Variants in MITD1 observed in about 807,000 individuals in gnomAD.
MITD1 encodes MIT domain-containing protein 1.
In MITD1, 24 loss-of-function variants were observed where a neutral mutation model predicts 34.9. The ratio of observed to expected loss-of-function variants is 0.69; its 90% confidence interval spans 0.50 to 0.97. The LOEUF (loss-of-function observed/expected upper bound fraction) is 0.97. Among genes scored for constraint, MITD1 ranks in the 50% least tolerant of loss-of-function variants. The pLI, the probability that MITD1 is intolerant of heterozygous loss-of-function variation, is 0.00. For missense variants in MITD1, 266 were observed against 294.6 expected, an observed-to-expected ratio of 0.90 and a Z score of 0.71; for synonymous variants, 102 against 101.4, an observed-to-expected ratio of 1.01 and a Z score of -0.04.
intron 1 of MITD1, among the ~76,000 whole-genome samples, chr2:99,178,528 CAT>C (rs2093899207): frequency 6.6e-6 from 1 of 152,092 alleles, no homozygotes; most frequent in South Asian, 2.1e-4. Context: ...ATTGGCAAAA[CAT>C]GTATATTAGA....
intron 1 of MITD1, among the ~76,000 whole-genome samples, chr2:99,174,900 A>G (rs2093878634): frequency 6.6e-6 from 1 of 152,046 alleles, no homozygotes; most frequent in Admixed American, 6.6e-5. Flanking sequence ...CCATTTTTGT[A>G]TTTTTAGTAG....
At chr2:99,162,394 T>G in intron 7 of MITD1, 1 of 1,614,056 alleles carries the variant, frequency 6.2e-7, no homozygotes, top group East Asian at 2.2e-5. Context: ...CAGCTGGATG[T>G]GCAGGCTACC....
At chr2:99,172,160 G>C (rs1350739249) in intron 2 of MITD1, 1 of 152,726 alleles carries the variant, frequency 6.5e-6, no homozygotes, top group Non-Finnish European at 1.5e-5. Context: ...GGCCAAGGTA[G>C]GTAGATCATT....
chr2:99,163,124 G>T, intron 7 of MITD1: 1 of 1,281,306 alleles, frequency 7.8e-7, no homozygotes. Flanking sequence ...AAAATAAAAT[G>T]TCTCATACTT....
At chr2:99,179,812 C>G (rs901275578) in intron 1 of MITD1, among the ~76,000 whole-genome samples, 1 of 152,140 alleles carries the variant, frequency 6.6e-6, no homozygotes, top group African/African-American at 2.4e-5. Flanking sequence ...CCACCTGCCT[C>G]GGCCTCCCAA....
downstream of MITD1, among the ~76,000 whole-genome samples, chr2:99,164,438 G>A (rs2093816940): frequency 6.6e-6 from 1 of 152,150 alleles, no homozygotes; most frequent in Admixed American, 6.5e-5. Flanking sequence ...TGTTGCCTCA[G>A]GTTCTGGAGT....
At chr2:99,166,132 T>C (rs1417786062), downstream of MITD1, among the ~76,000 whole-genome samples, 1 of 152,104 alleles carries the variant, frequency 6.6e-6, no homozygotes, top group Non-Finnish European at 1.5e-5. Context: ...GAGCAGTTTT[T>C]GTTGTTTTTT....
Position 99,176,355 on chromosome 2 carries a change from C to T in MITD1, c.152-2339G>A, listed in dbSNP as rs976484510. ...ATAAACTTTTTTTTTTTTTTTGAGA[C>T]GGAGTCTCGCTGTGTTGCCCAGGCT... On this transcript the variant is annotated intron_variant, in intron 1 of 6. Transcript: ENST00000289359. Among the ~76,000 whole-genome samples the T allele has an allele frequency of 1.1e-4, 16 of 144,910 alleles. 1 individual carries two copies. The highest frequency in any genetic ancestry group is 4.2e-4 in the Admixed American group (6 of 14,274).
chr2:99,171,120 A>T (rs1274138551), intron 4 of MITD1, among the ~76,000 whole-genome samples: 2 of 152,202 alleles, frequency 1.3e-5, no homozygotes, highest in Non-Finnish European at 2.9e-5. Context: ...CTAAACTAAC[A>T]AACTATTTGA....
chr2:99,167,184 T>C (rs2093831232), downstream of MITD1, among the ~76,000 whole-genome samples: 1 of 152,152 alleles, frequency 6.6e-6, no homozygotes, highest in African/African-American at 2.4e-5. Context: ...AAAATTATTG[T>C]AGCTATGTCT....
At chr2:99,171,481 T>TCATA in intron 3 of MITD1, 29 bp downstream of exon 3, 1 of 1,586,928 alleles carries the variant, frequency 6.3e-7, no homozygotes, top group Non-Finnish European at 8.7e-7. Flanking sequence ...GAATATGATA[T>TCATA]TTCATTATAT....
chr2:99,166,484 A>ACG (rs1490982086), downstream of MITD1, among the ~76,000 whole-genome samples: 59 of 102,462 alleles, frequency 5.8e-4, no homozygotes, highest in South Asian at 0.017. Flanking sequence ...GTGAGGAAAT[A>ACG]AGAAAAAAAA....
intron 7 of MITD1, chr2:99,163,132 C>T: frequency 1.7e-6 from 2 of 1,188,576 alleles, no homozygotes; most frequent in Admixed American, 5.6e-5. Flanking sequence ...ATGTCTCATA[C>T]TTGCACATTG....
chr2:99,176,981 A>G (rs1373284216), intron 1 of MITD1, among the ~76,000 whole-genome samples: 1 of 152,164 alleles, frequency 6.6e-6, no homozygotes, highest in Non-Finnish European at 1.5e-5. Context: ...AGGTATATGT[A>G]GGCTTACTAA....
intron 1 of MITD1, among the ~76,000 whole-genome samples, chr2:99,175,492 A>G (rs2093881940): frequency 6.6e-6 from 1 of 152,236 alleles, no homozygotes; most frequent in East Asian, 1.9e-4. Context: ...TGCCTTGCTC[A>G]GTGGGTACAT....
chr2:99,165,396 T>C (rs2093823026), downstream of MITD1, among the ~76,000 whole-genome samples: 1 of 151,926 alleles, frequency 6.6e-6, no homozygotes, highest in South Asian at 2.1e-4. Flanking sequence ...TGAGATTGGA[T>C]GGATGGGAGT....
intron 1 of MITD1, 112 bp from the exon 2 acceptor site, chr2:99,174,128 C>A: frequency 1.6e-6 from 1 of 613,532 alleles, no homozygotes; most frequent in Non-Finnish European, 2.8e-6. Flanking sequence ...TCTAGTATGG[C>A]TTGCCTCAGT....
chr2:99,178,499 A>C (rs1208482567), intron 1 of MITD1, among the ~76,000 whole-genome samples: 1 of 152,232 alleles, frequency 6.6e-6, no homozygotes, highest in Non-Finnish European at 1.5e-5. Flanking sequence ...TTCAAGTAGG[A>C]AGAGAACAAT....
intron 7 of MITD1, among the ~76,000 whole-genome samples, chr2:99,164,243 C>G (rs1163731392): frequency 6.6e-6 from 1 of 152,178 alleles, no homozygotes; most frequent in Non-Finnish European, 1.5e-5. Flanking sequence ...TTGTCACAAA[C>G]CTTGATTCAT....
Sources: gnomAD v4.1 joint callset for allele counts (sites outside exome capture counted in the v4.1 genomes callset) on GRCh38, gnomAD v4.1.1 for gene constraint, MANE v1.5 for transcripts, NCBI Gene and HGNC (gene_info 2026-07-23, HGNC 2026-07-21) for gene names.